RBFOX1: variants seen among roughly 807,000 people sequenced by gnomAD.
The protein encoded by RBFOX1 is RNA binding fox-1 homolog 1, also known as RNA binding protein fox-1 homolog 1.
A neutral mutation model predicts 57.7 loss-of-function variants in RBFOX1; 8 were observed. That is an observed-to-expected ratio of 0.14 (90% CI 0.08 to 0.25). The LOEUF is 0.25. Among genes scored for constraint, RBFOX1 ranks in the 10% least tolerant of loss-of-function variants. The pLI is 1.00. For missense variants in RBFOX1, 611 were observed against 548.5 expected (o/e 1.11, Z -1.14); for synonymous variants, 326 against 222.4 (o/e 1.47, Z -4.15).
At chr16:7,305,318 C>T (rs2096152830) in intron 4 of RBFOX1, among the ~76,000 whole-genome samples, 3 of 152,066 alleles carry the variant, frequency 2.0e-5, no homozygotes, top group African/African-American at 7.2e-5. Context: ...AGGGTTGCTT[C>T]CTGAGTTGGT....
chr16:6,288,564 C>T (rs1599224903), intron 1 of RBFOX1, among the ~76,000 whole-genome samples: 1 of 152,284 alleles, frequency 6.6e-6, no homozygotes, highest in South Asian at 2.1e-4. Flanking sequence ...TTTGTTATCT[C>T]CAGTTTACAG....
At chr16:7,439,797 C>G (rs538260425) in intron 4 of RBFOX1, among the ~76,000 whole-genome samples, 114 of 152,164 alleles carry the variant, frequency 7.5e-4, no homozygotes, top group Admixed American at 6.5e-3. Flanking sequence ...GCTTGCTTGT[C>G]AAATTGGGAT....
downstream of RBFOX1, among the ~76,000 whole-genome samples, chr16:5,600,894 T>C (rs1279784448): frequency 6.6e-6 from 1 of 152,132 alleles, no homozygotes; most frequent in African/African-American, 2.4e-5. Flanking sequence ...CTCCGTAAGG[T>C]GTGTGCTGTT....
intron 1 of RBFOX1, among the ~76,000 whole-genome samples, chr16:6,195,270 C>T (rs144227178): frequency 2.0e-5 from 3 of 152,276 alleles, no homozygotes; most frequent in African/African-American, 7.2e-5. Flanking sequence ...GCCTTGTAAG[C>T]CAGTCTTATT....
In RBFOX1 at chr16:6,173,398, C is replaced by T. The variant is rs75509630; in HGVS notation, c.-126-143597C>T. Among the ~76,000 whole-genome samples, 477 of 152,202 alleles carry T rather than the reference C, an allele frequency of 3.1e-3. 4 individuals are homozygous for T. The highest frequency in any genetic ancestry group is 5.9e-3 in the Non-Finnish European group (401 of 68,016). On this transcript the variant is annotated intron_variant, in intron 1 of 15. Coordinates refer to ENST00000550418, the MANE Select transcript of RBFOX1 (RefSeq NM_018723.4). ...ATGGGTGAGACCTTGGTTAGTGTTA[C>T]GTGTTATTTGCAGTCATATGCATCA...
chr16:5,728,743 C>T (rs116384421), intron 3 of RBFOX1, among the ~76,000 whole-genome samples: 2,166 of 152,224 alleles, frequency 0.014, 57 homozygotes, highest in African/African-American at 0.05. Context: ...TTCTTCCAGG[C>T]ACAGAGGCAG....
chr16:7,556,982 C>T (rs182812938), intron 5 of RBFOX1, among the ~76,000 whole-genome samples: 1 of 152,316 alleles, frequency 6.6e-6, no homozygotes, highest in African/African-American at 2.4e-5. Flanking sequence ...CGACATCCTC[C>T]TCCTCATCAT....
chr16:7,055,479 A>C (rs2051838174), intron 4 of RBFOX1, among the ~76,000 whole-genome samples: 2 of 152,120 alleles, frequency 1.3e-5, no homozygotes, highest in African/African-American at 4.8e-5. Context: ...TTCTTCCAAG[A>C]TGTCTGCCAT....
At chr16:7,470,502 T>C (rs1276266578) in intron 4 of RBFOX1, among the ~76,000 whole-genome samples, 1 of 151,714 alleles carries the variant, frequency 6.6e-6, no homozygotes, top group African/African-American at 2.4e-5. Context: ...GATGGAAGAA[T>C]GGTTGGATGG....
intron 3 of RBFOX1, among the ~76,000 whole-genome samples, chr16:7,022,061 C>T (rs2039450730): frequency 8.9e-6 from 1 of 112,306 alleles, no homozygotes; most frequent in Non-Finnish European, 1.8e-5. Flanking sequence ...CTTCCCCCTC[C>T]CCTTTCCTTT....
intron 4 of RBFOX1, among the ~76,000 whole-genome samples, chr16:5,944,593 G>C (rs1332952239): frequency 6.6e-6 from 1 of 151,620 alleles, no homozygotes; most frequent in East Asian, 1.9e-4. Context: ...CAAATGTGAA[G>C]TCAGATGGAG....
chr16:6,621,100 CTG>C (rs2098223265), intron 2 of RBFOX1, among the ~76,000 whole-genome samples: 1 of 152,186 alleles, frequency 6.6e-6, no homozygotes, highest in Non-Finnish European at 1.5e-5. Flanking sequence ...ATCTCTGCCT[CTG>C]TTGTCACATG....
intron 4 of RBFOX1, among the ~76,000 whole-genome samples, chr16:7,311,956 G>T (rs1248749993): frequency 6.6e-6 from 1 of 152,108 alleles, no homozygotes; most frequent in Admixed American, 6.5e-5. Context: ...GGACTTAATT[G>T]CTCCTTCAGA....
intron 1 of RBFOX1, among the ~76,000 whole-genome samples, chr16:5,263,423 C>A (rs1484739579): frequency 6.6e-6 from 1 of 151,984 alleles, no homozygotes; most frequent in Admixed American, 6.5e-5. Context: ...AGGAAAGGAG[C>A]TGGGAGGGTA....
chr16:6,961,237 G>C (rs1342288192), intron 3 of RBFOX1, among the ~76,000 whole-genome samples: 1 of 152,126 alleles, frequency 6.6e-6, no homozygotes, highest in Non-Finnish European at 1.5e-5. Context: ...TCCCTGAGCT[G>C]CTGATGGCCA....
intron 1 of RBFOX1, among the ~76,000 whole-genome samples, chr16:5,303,865 C>T (rs949023978): frequency 2.0e-5 from 3 of 152,098 alleles, no homozygotes; most frequent in Admixed American, 1.3e-4. Flanking sequence ...GGCTCAGCAT[C>T]TAAATAAGGG....
intron 14 of RBFOX1, among the ~76,000 whole-genome samples, chr16:7,678,363 A>G (rs1220667759): frequency 6.6e-6 from 1 of 152,198 alleles, no homozygotes; most frequent in African/African-American, 2.4e-5. Flanking sequence ...ATCTTGAAAT[A>G]CTCAAGATCA....
intron 2 of RBFOX1, among the ~76,000 whole-genome samples, chr16:6,469,608 G>A (rs2095129316): frequency 6.6e-6 from 1 of 152,300 alleles, no homozygotes; most frequent in East Asian, 1.9e-4. Flanking sequence ...CCTGTGTTAG[G>A]CTTGCTCACT....
chr16:7,663,580 T>G (rs1213567785), intron 12 of RBFOX1, among the ~76,000 whole-genome samples: 1 of 151,994 alleles, frequency 6.6e-6, no homozygotes, highest in African/African-American at 2.4e-5. Flanking sequence ...ACATGTGGGT[T>G]CATTCTGCTA....
Sources: gnomAD v4.1 joint callset for allele counts (sites outside exome capture counted in the v4.1 genomes callset) on GRCh38, gnomAD v4.1.1 for gene constraint, MANE v1.5 for transcripts, NCBI Gene and HGNC (gene_info 2026-07-23, HGNC 2026-07-21) for gene names.